The following DOP1B variants were observed in gnomAD, a reference collection of about 807,000 sequenced individuals.
DOP1B encodes the protein protein DOP1B.
A neutral mutation model predicts 233.5 loss-of-function variants in DOP1B; 174 were observed. The observed-to-expected ratio is 0.75, with a 90% confidence interval of 0.66 to 0.85. The LOEUF is 0.85. Ranked by LOEUF, DOP1B falls within the 40% of genes least tolerant of loss-of-function variation. The pLI, the probability that DOP1B is intolerant of heterozygous loss-of-function variation, is 0.00. For synonymous variants in DOP1B, 1,190 were observed against 1,185.6 expected, an observed-to-expected ratio of 1.00 and a Z score of -0.08; for missense variants, 2,652 against 2,846.6, an observed-to-expected ratio of 0.93 and a Z score of 1.56.
intron 18 of DOP1B, 39 bp downstream of exon 18, chr21:36,239,994 T>TGG: frequency 6.4e-7 from 1 of 1,572,874 alleles, no homozygotes; most frequent in Non-Finnish European, 8.6e-7. Context: ...GAGGGAGGAA[T>TGG]GGGTGGGGGG....
At chr21:36,203,515 C>A (rs2066393939) in intron 4 of DOP1B, among the ~76,000 whole-genome samples, 1 of 152,070 alleles carries the variant, frequency 6.6e-6, no homozygotes, top group Non-Finnish European at 1.5e-5. Flanking sequence ...TTGCAGTGAG[C>A]CAAGATCGCA....
chr21:36,222,140 G>A (rs911345830), intron 10 of DOP1B, among the ~76,000 whole-genome samples: 1 of 152,128 alleles, frequency 6.6e-6, no homozygotes, highest in South Asian at 2.1e-4. Flanking sequence ...CCAAAGTGCT[G>A]GGATTGCAGG....
rs1466081679 is a variant in DOP1B, at chr21:36,185,573, G to C, written c.139-13497G>C. 2.0e-5 allele frequency among the ~76,000 whole-genome samples: 3 copies of C among 152,312 alleles called. No individual in the cohort carries two copies. In the South Asian group the frequency reaches 6.2e-4, roughly 32 times the overall value. On this transcript the variant is annotated intron_variant, in intron 2 of 36. Transcript: ENST00000691173. Reference sequence around the variant, plus strand: ...GCTTGCAGCTTCCCAGGTGTATGACGAGTATTTCAGGTCGGCCAGCGCCTT... The same window carrying C: ...GCTTGCAGCTTCCCAGGTGTATGACCAGTATTTCAGGTCGGCCAGCGCCTT...
chr21:36,167,236 G>A (rs921233123), intron 2 of DOP1B, among the ~76,000 whole-genome samples: 2 of 152,008 alleles, frequency 1.3e-5, no homozygotes, highest in Admixed American at 6.6e-5. Context: ...GCAGTGACAC[G>A]ATCTCGGCTC....
intron 12 of DOP1B, among the ~76,000 whole-genome samples, chr21:36,227,276 G>A (rs181965159): frequency 0.021 from 3,259 of 151,636 alleles, 54 homozygotes; most frequent in Non-Finnish European, 0.031. Context: ...GGTCAGGCAC[G>A]GTGGCTCACG....
intron 18 of DOP1B, among the ~76,000 whole-genome samples, chr21:36,244,432 T>C (rs1356412574): frequency 6.6e-6 from 1 of 152,104 alleles, no homozygotes. Context: ...TTTCTGTTTT[T>C]TTGTTTTTTA....
chr21:36,292,014 C>T, intron 35 of DOP1B, 90 bp from the exon 36 acceptor site: 1 of 1,385,320 alleles, frequency 7.2e-7, no homozygotes, highest in Non-Finnish European at 9.7e-7. Flanking sequence ...TAAATAGATA[C>T]AGTATGTGAA....
At chr21:36,207,507 T>TG (rs990200952) in intron 4 of DOP1B, among the ~76,000 whole-genome samples, 23 of 145,104 alleles carry the variant, frequency 1.6e-4, no homozygotes, top group African/African-American at 3.7e-4. Context: ...TTGTTTTTTT[T>TG]TTTTTTTTTT....
At chr21:36,203,565 C>T (rs2066394624) in intron 4 of DOP1B, among the ~76,000 whole-genome samples, 1 of 151,868 alleles carries the variant, frequency 6.6e-6, no homozygotes, top group African/African-American at 2.4e-5. Context: ...AAGACTCCAT[C>T]TCAAAAAAGA....
At chr21:36,279,930 C>G (rs2067397659) in intron 30 of DOP1B, among the ~76,000 whole-genome samples, 1 of 152,174 alleles carries the variant, frequency 6.6e-6, no homozygotes. Context: ...GGCTAGAGTG[C>G]TATGGCACAA....
chr21:36,280,157 G>C (rs2067400297), intron 30 of DOP1B, 128 bp from the exon 31 acceptor site: 1 of 631,140 alleles, frequency 1.6e-6, no homozygotes, highest in Admixed American at 3.2e-5. Flanking sequence ...TTATAGGCGT[G>C]AGCCACTGCA....
chr21:36,179,498 C>T (rs1256422221), intron 2 of DOP1B, among the ~76,000 whole-genome samples: 3 of 152,152 alleles, frequency 2.0e-5, no homozygotes, highest in African/African-American at 7.2e-5. Flanking sequence ...TCCATAGACA[C>T]ATAACATAAA....
rs1340549740 is a variant in DOP1B at position 36,246,428 on chromosome 21, G to T, written c.4448G>T (p.Ser1483Ile). 1.2e-6 allele frequency: 2 copies of T among 1,613,526 alleles called. No individual in the cohort carries two copies. Among genetic ancestry groups the T allele is most frequent in the Admixed American group, 3.3e-5 (2 of 59,936 alleles). Reference sequence around the variant, plus strand: ...GCCCTGAACTTCCAGCAGGCCATCAGCGCCCTGCAGTACGTGCAGCCCCAC... The same window carrying T: ...GCCCTGAACTTCCAGCAGGCCATCATCGCCCTGCAGTACGTGCAGCCCCAC... ...QRALNFQQAI[S>I]ALQYVQPHPL... Residue 1483 changes from serine (S) to isoleucine (I), a missense_variant, in exon 19 of 37, where the codon AGC (serine) becomes ATC (isoleucine). By Grantham distance (142) the Ser-to-Ile change is moderately radical. Transcript: ENST00000691173. The surrounding 1 kb of genome is among the most constrained non-coding windows in gnomAD (Gnocchi z 5.1).
intron 23 of DOP1B, among the ~76,000 whole-genome samples, chr21:36,259,805 G>T (rs2067148338): frequency 6.6e-6 from 1 of 152,108 alleles, no homozygotes; most frequent in Non-Finnish European, 1.5e-5. Flanking sequence ...AAAGGAACCG[G>T]ATTTTATCTA....
At chr21:36,176,880 C>T (rs1237855898) in intron 2 of DOP1B, among the ~76,000 whole-genome samples, 3 of 152,016 alleles carry the variant, frequency 2.0e-5, no homozygotes, top group Admixed American at 1.3e-4. Flanking sequence ...GTGCAGTGAC[C>T]CAATCTTGGC....
chr21:36,169,496 T>C, intron 2 of DOP1B: 1 of 1,116,824 alleles, frequency 9.0e-7, no homozygotes, highest in Non-Finnish European at 1.4e-6. Flanking sequence ...GGTGACCCCT[T>C]TGTAGCCTTT....
chr21:36,209,827 T>G (rs1016516694), intron 5 of DOP1B, among the ~76,000 whole-genome samples: 10 of 152,210 alleles, frequency 6.6e-5, no homozygotes, highest in African/African-American at 9.6e-5. Context: ...CCTGGTGGTG[T>G]TCCCACACTT....
chr21:36,231,206 C>G (rs1224325317), intron 14 of DOP1B, 72 bp downstream of exon 14: 3 of 1,496,122 alleles, frequency 2.0e-6, no homozygotes, highest in Non-Finnish European at 2.7e-6. Context: ...GTGGAATATC[C>G]CCTATCCACA....
rs1180616221 is a variant in DOP1B, at chr21:36,215,890, G to A, written c.1129+1334G>A. Among the ~76,000 whole-genome samples the A allele has an allele frequency of 7.3e-5, 4 of 54,794 alleles. No homozygotes were observed. The South Asian group carries it at 5.1e-3, about 70-fold the overall frequency. 35.9% of individuals were successfully genotyped at this position (54,794 alleles called of 152,430 possible). On this transcript the variant is annotated intron_variant, in intron 9 of 36. Transcript: ENST00000691173. Reference sequence around the variant, plus strand: ...TAGCTGGGCATGGTGGCGCGTGCCTGTAGTCCCAGCCACTCGGGAGGCTGA... The same window carrying A: ...TAGCTGGGCATGGTGGCGCGTGCCTATAGTCCCAGCCACTCGGGAGGCTGA...
Sources: allele counts gnomAD v4.1 joint callset (sites outside exome capture counted in the v4.1 genomes callset), GRCh38; gene constraint gnomAD v4.1.1; non-coding constraint Gnocchi (gnomAD v3.1); transcripts MANE v1.5; gene names NCBI Gene and HGNC (gene_info 2026-07-23, HGNC 2026-07-21).